MARK2: variants seen among roughly 807,000 people sequenced by gnomAD.
MARK2 encodes the protein microtubule affinity regulating kinase 2.
Under a neutral mutation model 89.8 loss-of-function variants are expected in MARK2, and 16 were observed. That is an observed-to-expected ratio of 0.18 (90% confidence interval 0.12 to 0.27). MARK2 has a LOEUF of 0.27. MARK2 is among the 10% of genes least tolerant of loss of function. The pLI, the probability that MARK2 is intolerant of heterozygous loss-of-function variation, is 1.00. For missense variants in MARK2, 621 were observed against 1,049.9 expected (o/e 0.59, Z 5.65); for synonymous variants, 382 against 399.5 (o/e 0.96, Z 0.52).
At chr11:63,857,894 G>A (rs573353707) in intron 1 of MARK2, among the ~76,000 whole-genome samples, 1 of 152,214 alleles carries the variant, frequency 6.6e-6, no homozygotes, top group East Asian at 1.9e-4. Flanking sequence ...CCGGGTTAGA[G>A]TGGAATGGCA....
intron 1 of MARK2, among the ~76,000 whole-genome samples, chr11:63,848,390 CTTT>C (rs2016384438): frequency 6.6e-6 from 1 of 151,934 alleles, no homozygotes; most frequent in Non-Finnish European, 1.5e-5. Context: ...TTTGTTGTGT[CTTT>C]TTGTTTTTTT....
intron 1 of MARK2, among the ~76,000 whole-genome samples, chr11:63,857,912 G>A (rs1407083803): frequency 2.0e-5 from 3 of 151,838 alleles, no homozygotes; most frequent in Admixed American, 6.6e-5. Flanking sequence ...GCATGATCTC[G>A]GCTCATTGCA....
intron 1 of MARK2, among the ~76,000 whole-genome samples, chr11:63,881,608 C>T (rs1939096709): frequency 6.6e-6 from 1 of 152,006 alleles, no homozygotes; most frequent in South Asian, 2.1e-4. Flanking sequence ...TACTGGCTCT[C>T]ATCTGTCAGA....
chr11:63,881,879 C>T (rs1939108966), intron 1 of MARK2, among the ~76,000 whole-genome samples: 1 of 152,012 alleles, frequency 6.6e-6, no homozygotes, highest in South Asian at 2.1e-4. Flanking sequence ...TCCCTTGAAC[C>T]CAGGAGTTTG....
intron 6 of MARK2, 88 bp downstream of exon 6, chr11:63,898,921 C>G: frequency 2.3e-6 from 3 of 1,318,338 alleles, no homozygotes; most frequent in Non-Finnish European, 3.3e-6. Flanking sequence ...CTGTAAGTGG[C>G]CCTTGGAGGG....
intron 7 of MARK2, 87 bp downstream of exon 7, chr11:63,899,195 C>CA: frequency 1.2e-6 from 1 of 844,188 alleles, no homozygotes. Flanking sequence ...CAATAACCAT[C>CA]AGGCCCTGAG....
At chr11:63,854,903 CAT>C (rs2016766410) in intron 1 of MARK2, among the ~76,000 whole-genome samples, 1 of 151,110 alleles carries the variant, frequency 6.6e-6, no homozygotes, top group Admixed American at 6.6e-5. Flanking sequence ...GAGGAAAGCA[CAT>C]GTGTTGGAGC....
In MARK2 at chr11:63,910,652, A is replaced by ATTTTTTTTTT. The variant is rs750155967; in HGVS notation, c.*1420_*1429dup. The ATTTTTTTTTT allele has an allele frequency of 9.5e-5, 13 of 137,406 alleles. No homozygotes were observed. The highest frequency in any genetic ancestry group is 2.1e-4 in the East Asian group (1 of 4,662). The allele number at this position is 137,406 out of a possible 1,614,324, so 8.5% of individuals were successfully genotyped here. A position where few individuals can be genotyped will look rare whatever the true frequency, so the allele number is the denominator to read the frequency against. On this transcript the variant is annotated 3_prime_UTR_variant, in exon 19 of 19. Transcript: ENST00000402010. ...GTTTTATTTTTTATTATTTTATTTT[A>ATTTTTTTTTT]TTTTTTTTTTTTTTGATTTATGATG...
At chr11:63,871,468 C>A (rs893419273) in intron 1 of MARK2, among the ~76,000 whole-genome samples, 15 of 122,466 alleles carry the variant, frequency 1.2e-4, no homozygotes, top group African/African-American at 4.5e-4. Flanking sequence ...GAGTATTCAC[C>A]GTGTGCAGGT....
chr11:63,908,451 T>G, intron 18 of MARK2, 147 bp downstream of exon 18: 1 of 669,062 alleles, frequency 1.5e-6, no homozygotes, highest in East Asian at 2.7e-5. Context: ...CCTCAGAGAG[T>G]TTCCCCTTCC....
chr11:63,879,902 T>A (rs1017165448), intron 1 of MARK2, among the ~76,000 whole-genome samples: 2 of 152,158 alleles, frequency 1.3e-5, no homozygotes, highest in Non-Finnish European at 2.9e-5. Flanking sequence ...GCAGTATTTG[T>A]TCACTTCCAG....
chr11:63,868,282 C>G (rs1938243755), intron 1 of MARK2, among the ~76,000 whole-genome samples: 1 of 151,804 alleles, frequency 6.6e-6, no homozygotes, highest in African/African-American at 2.4e-5. Context: ...GTCCCAGCTC[C>G]TTGGGAGGCA....
At chr11:63,869,142 C>T (rs2135259621) in intron 1 of MARK2, 2 of 316,308 alleles carry the variant, frequency 6.3e-6, no homozygotes, top group South Asian at 5.3e-5. Context: ...AAGGCACCAG[C>T]TGTGTGGGGT....
intron 1 of MARK2, among the ~76,000 whole-genome samples, chr11:63,875,395 C>T (rs1591026390): frequency 6.6e-6 from 1 of 152,138 alleles, no homozygotes; most frequent in South Asian, 2.1e-4. Context: ...GTTGGGATTA[C>T]AGGCGTGAGC....
chr11:63,847,020 G>A (rs2016321360), intron 1 of MARK2, among the ~76,000 whole-genome samples: 1 of 152,216 alleles, frequency 6.6e-6, no homozygotes, highest in South Asian at 2.1e-4. Flanking sequence ...CTACTCAGAA[G>A]GCTGAGATGT....
At position 63,899,859 on chromosome 11, in the gene MARK2, C is replaced by T; in HGVS notation, c.532-15C>T. 2 of 1,583,380 alleles carry T rather than the reference C, an allele frequency of 1.3e-6. No individual in the cohort carries two copies. Among genetic ancestry groups the T allele is most frequent in the Non-Finnish European group, 1.7e-6 (2 of 1,152,450 alleles). On this transcript the variant is annotated splice_polypyrimidine_tract_variant and intron_variant, in intron 7 of 18. Transcript: ENST00000402010. ...GTCCACTTGGTTCCCTGATGTTTTC[C>T]ATCTTACCTCCCAGGCAGAAAACCT...
intron 1 of MARK2, among the ~76,000 whole-genome samples, chr11:63,866,845 C>G (rs1938162927): frequency 6.6e-6 from 1 of 152,162 alleles, no homozygotes; most frequent in South Asian, 2.1e-4. Flanking sequence ...AGACTGGGGC[C>G]TTAATCTTTA....
In MARK2 at chr11:63,909,065, TGCTGCTG is replaced by T; in HGVS notation, c.2196_2202del (p.Met732IlefsTer49). On this transcript the variant is annotated frameshift_variant, in exon 19 of 19. Coordinates refer to ENST00000402010, the MANE Select transcript of MARK2 (RefSeq NM_001039469.3). LOFTEE classifies it high-confidence loss of function. The stretch of plus-strand genomic sequence containing the variant: ...CAGAGCGAGCTGCATGAGAAGTACA[TGCTGCTG>T]TGCATGCACGGCACGCCGGGCCACG... 6.2e-7 allele frequency: 1 copy of T among 1,611,628 alleles called. No homozygotes were observed. The highest frequency in any genetic ancestry group is 8.5e-7 in the Non-Finnish European group (1 of 1,178,050).
At chr11:63,890,200 T>C (rs764095578) in intron 1 of MARK2, 9 of 1,339,190 alleles carry the variant, frequency 6.7e-6, no homozygotes, top group Non-Finnish European at 8.9e-6. Context: ...TTTCCCTTTT[T>C]CTTTTCTCTG....
Sources: allele counts gnomAD v4.1 joint callset (sites outside exome capture counted in the v4.1 genomes callset), GRCh38; gene constraint gnomAD v4.1.1; transcripts MANE v1.5; gene names NCBI Gene and HGNC (gene_info 2026-07-23, HGNC 2026-07-21).